The following SORCS1 variants were observed in gnomAD, a reference collection of about 807,000 sequenced individuals.
SORCS1 encodes sortilin related VPS10 domain containing receptor 1, also known as VPS10 domain-containing receptor SorCS1.
A neutral mutation model predicts 146.1 loss-of-function variants in SORCS1; 60 were observed. The ratio of observed to expected loss-of-function variants is 0.41; its 90% confidence interval spans 0.33 to 0.51. SORCS1 has a LOEUF of 0.51. Among genes scored for constraint, SORCS1 ranks in the 20% least tolerant of loss-of-function variants. The probability of loss-of-function intolerance (pLI) is 0.21; values close to 1 mark genes in which losing one functional copy is unlikely to be tolerated. For missense variants in SORCS1, 1,352 were observed against 1,487.6 expected, an observed-to-expected ratio of 0.91 and a Z score of 1.50; for synonymous variants, 637 against 584.0, an observed-to-expected ratio of 1.09 and a Z score of -1.31.
At chr10:106,579,304 T>C in intron 25 of SORCS1, 65 bp downstream of exon 25, 2 of 1,613,992 alleles carry the variant, frequency 1.2e-6, no homozygotes, top group Non-Finnish European at 8.5e-7. Context: ...TAACACATGC[T>C]TCTGAACCTG....
At chr10:106,794,470 A>G (rs1046880723) in intron 3 of SORCS1, among the ~76,000 whole-genome samples, 3 of 149,652 alleles carry the variant, frequency 2.0e-5, no homozygotes, top group Non-Finnish European at 4.5e-5. Flanking sequence ...ACAACGTCCT[A>G]TGCTCACTAG....
At chr10:106,797,512 A>C (rs1201808994) in intron 3 of SORCS1, among the ~76,000 whole-genome samples, 1 of 146,446 alleles carries the variant, frequency 6.8e-6, no homozygotes, top group Non-Finnish European at 1.5e-5. Context: ...TCTCTTGCTG[A>C]GGAGTTGCTT....
chr10:106,665,877 C>T (rs566958005), intron 17 of SORCS1, among the ~76,000 whole-genome samples: 8 of 152,048 alleles, frequency 5.3e-5, no homozygotes, highest in Admixed American at 2.0e-4. Context: ...CTCACTCTGC[C>T]GCCCAGGCTG....
intron 6 of SORCS1, among the ~76,000 whole-genome samples, chr10:106,717,785 A>G (rs766960298): frequency 2.0e-5 from 3 of 152,220 alleles, no homozygotes; most frequent in Non-Finnish European, 4.4e-5. Context: ...TCACTGTCCA[A>G]TTACAATGCA....
chr10:107,073,068 C>T (rs1430928778), intron 1 of SORCS1, among the ~76,000 whole-genome samples: 5 of 152,172 alleles, frequency 3.3e-5, no homozygotes, highest in Non-Finnish European at 5.9e-5. Context: ...ACTGTCTGGT[C>T]TCAATTACTT....
At chr10:107,020,177 T>C (rs1434354129) in intron 1 of SORCS1, among the ~76,000 whole-genome samples, 1 of 152,220 alleles carries the variant, frequency 6.6e-6, no homozygotes, top group African/African-American at 2.4e-5. Context: ...ATAGGACTAA[T>C]GTCTTTACCT....
intron 2 of SORCS1, among the ~76,000 whole-genome samples, chr10:106,889,622 G>A (rs1951143745): frequency 6.6e-6 from 1 of 150,706 alleles, no homozygotes; most frequent in African/African-American, 2.4e-5. Context: ...AAAATTAGCC[G>A]GGCACAGTGG....
At chr10:107,003,390 C>T (rs1045715432) in intron 1 of SORCS1, among the ~76,000 whole-genome samples, 1 of 149,540 alleles carries the variant, frequency 6.7e-6, no homozygotes, top group Non-Finnish European at 1.5e-5. Context: ...CCAAAGTATG[C>T]ATGTGTTGTG....
Position 106,737,824 on chromosome 10 carries a change from A to G in SORCS1, c.960-7710T>C, listed in dbSNP as rs144940174. ...GTGCCAATGAGATACAGAGAAATGCACTTCAACTGATCAAAAAGAGCATGA... is the reference window on the plus strand; with the variant it reads ...GTGCCAATGAGATACAGAGAAATGCGCTTCAACTGATCAAAAAGAGCATGA... On this transcript the variant is annotated intron_variant, in intron 5 of 25. Transcript: ENST00000263054. Among the ~76,000 whole-genome samples, 515 of 152,328 alleles carry G rather than the reference A, an allele frequency of 3.4e-3. 5 individuals are homozygous for G. Among genetic ancestry groups the G allele is most frequent in the African/African-American group, 0.012 (485 of 41,584 alleles).
chr10:106,929,770 C>T lies in SORCS1; in HGVS notation c.626+26743G>A, dbSNP rs60850555. On this transcript the variant is annotated intron_variant, in intron 2 of 25. Transcript: ENST00000263054. The stretch of plus-strand genomic sequence containing the variant: ...AATTGTGAGGGCACAGGCATGTGCA[C>T]GTGCACACACACACACACACACACA... Among the ~76,000 whole-genome samples, 132 of 120,732 alleles carry T rather than the reference C, an allele frequency of 1.1e-3. 1 individual carries two copies. The East Asian group carries it at 0.029, about 27-fold the overall frequency. 79.2% of individuals were successfully genotyped at this position (120,732 alleles called of 152,430 possible). A position where few individuals can be genotyped will look rare whatever the true frequency, so the allele number is the denominator to read the frequency against.
chr10:107,157,738 T>A (rs985179548), intron 1 of SORCS1, among the ~76,000 whole-genome samples: 1 of 152,228 alleles, frequency 6.6e-6, no homozygotes, highest in African/African-American at 2.4e-5. Flanking sequence ...CCACCTTTGC[T>A]TCTTGCCAAC....
chr10:107,149,130 G>A (rs1218902400), intron 1 of SORCS1, among the ~76,000 whole-genome samples: 1 of 152,196 alleles, frequency 6.6e-6, no homozygotes, highest in African/African-American at 2.4e-5. Context: ...CCAGCCCTGA[G>A]AGCACAGCTC....
At chr10:106,749,412 C>A (rs987895475) in intron 5 of SORCS1, among the ~76,000 whole-genome samples, 2 of 152,212 alleles carry the variant, frequency 1.3e-5, no homozygotes, top group Non-Finnish European at 2.9e-5. Context: ...GGGAAAATAT[C>A]CTTCCATATG....
At chr10:106,943,303 G>C (rs1954146414) in intron 2 of SORCS1, among the ~76,000 whole-genome samples, 1 of 152,042 alleles carries the variant, frequency 6.6e-6, no homozygotes, top group South Asian at 2.1e-4. Flanking sequence ...GTATGTCTAG[G>C]AACTGGGGAT....
At chr10:106,809,007 G>A (rs1256952792) in intron 3 of SORCS1, among the ~76,000 whole-genome samples, 1 of 152,156 alleles carries the variant, frequency 6.6e-6, no homozygotes, top group Non-Finnish European at 1.5e-5. Context: ...GAATCTGGAA[G>A]CAGTTGTCCC....
At chr10:106,739,258 G>T (rs1424332378) in intron 5 of SORCS1, among the ~76,000 whole-genome samples, 34 of 151,962 alleles carry the variant, frequency 2.2e-4, no homozygotes, top group Non-Finnish European at 1.5e-5. Context: ...GTTCAAGGTA[G>T]GTGGATCACT....
chr10:107,097,503 G>C (rs1964621705), intron 1 of SORCS1, among the ~76,000 whole-genome samples: 1 of 152,114 alleles, frequency 6.6e-6, no homozygotes, highest in African/African-American at 2.4e-5. Flanking sequence ...GAGTTCATAG[G>C]AGCAACTGGC....
At chr10:107,000,891 T>C (rs1957188954) in intron 1 of SORCS1, among the ~76,000 whole-genome samples, 2 of 150,644 alleles carry the variant, frequency 1.3e-5, no homozygotes, top group Admixed American at 1.3e-4. Flanking sequence ...TCAGTGACTA[T>C]TTTGAGAGAA....
At chr10:106,601,847 G>C (rs112960288) in intron 23 of SORCS1, among the ~76,000 whole-genome samples, 1,544 of 152,258 alleles carry the variant, frequency 0.01, 33 homozygotes, top group African/African-American at 0.036. Flanking sequence ...GCTTGGAAGT[G>C]GCACATATCA....
Sources: allele counts gnomAD v4.1 joint callset (sites outside exome capture counted in the v4.1 genomes callset), GRCh38; gene constraint gnomAD v4.1.1; transcripts MANE v1.5; gene names NCBI Gene and HGNC (gene_info 2026-07-23, HGNC 2026-07-21).